The following WWOX variants were observed in gnomAD, a reference collection of about 807,000 sequenced individuals.
WWOX encodes the protein WW domain-containing oxidoreductase.
WWOX carries 69 observed loss-of-function variants against 46.2 expected under a neutral mutation model. That is an observed-to-expected ratio of 1.49 (90% CI 1.23 to 1.82). The LOEUF is 1.82. WWOX is among the 40% of genes most tolerant of loss of function. The pLI, the probability that WWOX is intolerant of heterozygous loss-of-function variation, is 0.00. For missense variants in WWOX, 919 were observed against 542.6 expected, an observed-to-expected ratio of 1.69 and a Z score of -6.89; for synonymous variants, 359 against 202.6, an observed-to-expected ratio of 1.77 and a Z score of -6.56.
chr16:78,804,379 C>T (rs1326507734), intron 8 of WWOX, among the ~76,000 whole-genome samples: 2 of 149,308 alleles, frequency 1.3e-5, no homozygotes, highest in East Asian at 3.9e-4. Flanking sequence ...ACAAAATTAA[C>T]AGCTCTTGGA....
chr16:78,776,624 C>T (rs920985438), intron 8 of WWOX, among the ~76,000 whole-genome samples: 1 of 152,010 alleles, frequency 6.6e-6, no homozygotes, highest in East Asian at 1.9e-4. Context: ...TTAGTCTGGT[C>T]TCACACTGCT....
chr16:78,537,828 A>G (rs1268785388), intron 8 of WWOX, among the ~76,000 whole-genome samples: 1 of 152,006 alleles, frequency 6.6e-6, no homozygotes, highest in African/African-American at 2.4e-5. Context: ...AGAACGATCC[A>G]CCCACGTGTT....
intron 5 of WWOX, among the ~76,000 whole-genome samples, chr16:78,205,004 A>G (rs1036114214): frequency 6.6e-6 from 1 of 152,252 alleles, no homozygotes. Context: ...ATAAATAATT[A>G]TGAATGAATA....
intron 8 of WWOX, among the ~76,000 whole-genome samples, chr16:78,569,069 C>T (rs1311546163): frequency 6.6e-6 from 1 of 152,170 alleles, no homozygotes; most frequent in Non-Finnish European, 1.5e-5. Flanking sequence ...TGGCTCATTA[C>T]AGGCCACTCT....
At chr16:78,698,251 A>G (rs543201392) in intron 8 of WWOX, among the ~76,000 whole-genome samples, 2 of 152,230 alleles carry the variant, frequency 1.3e-5, no homozygotes, top group South Asian at 2.1e-4. Flanking sequence ...GTGAAGACTC[A>G]GATGAGGTTC....
chr16:78,837,809 A>T (rs948894806), intron 8 of WWOX, among the ~76,000 whole-genome samples: 6 of 152,208 alleles, frequency 3.9e-5, no homozygotes. Flanking sequence ...TAGGAGTCTT[A>T]TATTTATTAT....
chr16:79,155,143 C>G (rs1037930165), intron 8 of WWOX, among the ~76,000 whole-genome samples: 1 of 152,120 alleles, frequency 6.6e-6, no homozygotes, highest in Non-Finnish European at 1.5e-5. Flanking sequence ...TTTGGGAGGC[C>G]GAGGCAGGCA....
intron 8 of WWOX, among the ~76,000 whole-genome samples, chr16:78,814,086 G>A (rs1427685890): frequency 2.0e-5 from 3 of 152,182 alleles, no homozygotes; most frequent in African/African-American, 7.2e-5. Flanking sequence ...ATGGGCTGTG[G>A]CTCAAGTTTT....
chr16:78,311,959 G>A lies in WWOX; in HGVS notation c.517-74901G>A, dbSNP rs2080253103. ...GCTGTGTTCTTTTGGATACTGTAGA[G>A]GAGAATACATTTCCTGGCCTTTTCC... On this transcript the variant is annotated intron_variant, in intron 5 of 8. Coordinates refer to ENST00000566780, the MANE Select transcript of WWOX (RefSeq NM_016373.4). Among the ~76,000 whole-genome samples, 7 of 152,262 alleles carry A rather than the reference G, an allele frequency of 4.6e-5. No homozygotes were observed. In the South Asian group the frequency reaches 1.5e-3, roughly 32 times the overall value.
At chr16:78,738,624 T>C (rs1015146991) in intron 8 of WWOX, among the ~76,000 whole-genome samples, 2 of 152,208 alleles carry the variant, frequency 1.3e-5, no homozygotes, top group African/African-American at 4.8e-5. Context: ...TTTATATTTT[T>C]GTTACGCTTG....
Position 78,432,544 on chromosome 16 carries a change from C to A in WWOX, c.848C>A (p.Thr283Lys), listed in dbSNP as rs1186552961. 1.2e-6 allele frequency: 2 copies of A among 1,613,854 alleles called. No individual in the cohort carries two copies. The highest frequency in any genetic ancestry group is 1.3e-5 in the African/African-American group (1 of 74,906). ...CTGGACTTCAGTCGCCTCTCTCCAA[C>A]AAAAAACGACTATTGGGCGATGCTG... is the stretch of plus-strand genomic sequence containing the variant. ...GKLDFSRLSP[T>K]KNDYWAMLAY... Residue 283 changes from threonine (T) to lysine (K), a missense_variant, in exon 8 of 9, where the codon ACA becomes AAA. Coordinates refer to ENST00000566780, the MANE Select transcript of WWOX (RefSeq NM_016373.4).
chr16:79,104,866 A>T (rs1381563609), intron 8 of WWOX, among the ~76,000 whole-genome samples: 1 of 152,042 alleles, frequency 6.6e-6, no homozygotes, highest in Admixed American at 6.6e-5. Context: ...AGGTGTCCAA[A>T]CCTCGACAGA....
chr16:78,356,628 A>T (rs1488677225), intron 5 of WWOX, among the ~76,000 whole-genome samples: 1 of 152,202 alleles, frequency 6.6e-6, no homozygotes, highest in African/African-American at 2.4e-5. Flanking sequence ...CACGCCTGTA[A>T]TCCAAGCACT....
At chr16:78,178,097 A>C (rs2035407519) in intron 5 of WWOX, among the ~76,000 whole-genome samples, 1 of 152,196 alleles carries the variant, frequency 6.6e-6, no homozygotes, top group Non-Finnish European at 1.5e-5. Flanking sequence ...TTACTGTTTG[A>C]ATCAGGAAGT....
At chr16:79,183,887 C>T (rs1356445916) in intron 8 of WWOX, among the ~76,000 whole-genome samples, 1 of 152,224 alleles carries the variant, frequency 6.6e-6, no homozygotes, top group Non-Finnish European at 1.5e-5. Context: ...TTTCTCACTG[C>T]TCTGGTCTCT....
chr16:78,846,467 C>T lies in WWOX; in HGVS notation c.1057-365141C>T, dbSNP rs980639587. Among the ~76,000 whole-genome samples, 6 of 151,852 alleles carry T rather than the reference C, an allele frequency of 4.0e-5. No individual in the cohort carries two copies. The South Asian group carries it at 8.3e-4, about 21-fold the overall frequency. ...TGGCCTTGAAATTTTTGAAGAGTTC[C>T]GGTCAGTTATTTTGTAGAATGCCCG... On this transcript the variant is annotated intron_variant, in intron 8 of 8. Coordinates refer to ENST00000566780, the MANE Select transcript of WWOX (RefSeq NM_016373.4).
At chr16:78,641,931 C>T (rs537817954) in intron 8 of WWOX, among the ~76,000 whole-genome samples, 4 of 152,104 alleles carry the variant, frequency 2.6e-5, no homozygotes, top group African/African-American at 9.6e-5. Flanking sequence ...AGATCTTGAT[C>T]GCAGACACGG....
At chr16:78,387,836 G>A (rs937016729) in intron 6 of WWOX, among the ~76,000 whole-genome samples, 1 of 152,004 alleles carries the variant, frequency 6.6e-6, no homozygotes, top group Non-Finnish European at 1.5e-5. Flanking sequence ...AATAGCACAG[G>A]TTGTGCGAAG....
intron 8 of WWOX, among the ~76,000 whole-genome samples, chr16:78,987,664 T>G (rs1262391142): frequency 6.6e-6 from 1 of 152,214 alleles, no homozygotes; most frequent in Non-Finnish European, 1.5e-5. Context: ...TGTCTTTGTT[T>G]CTGTACAGGG....
Sources: gnomAD v4.1 joint callset for allele counts (sites outside exome capture counted in the v4.1 genomes callset) on GRCh38, gnomAD v4.1.1 for gene constraint, MANE v1.5 for transcripts, NCBI Gene and HGNC (gene_info 2026-07-23, HGNC 2026-07-21) for gene names.